The following QSER1 variants were observed in gnomAD, a reference collection of about 807,000 sequenced individuals.
The protein encoded by QSER1 is glutamine and serine rich 1.
In QSER1, 49 loss-of-function variants were observed where a neutral mutation model predicts 158.5. That is an observed-to-expected ratio of 0.31 (90% CI 0.25 to 0.39). The LOEUF (loss-of-function observed/expected upper bound fraction) is 0.39. Ranked by LOEUF, QSER1 falls within the 10% of genes least tolerant of loss-of-function variation. The pLI, the probability that QSER1 is intolerant of heterozygous loss-of-function variation, is 1.00. For missense variants in QSER1, 1,754 were observed against 2,010.3 expected (o/e 0.87, Z 2.44); for synonymous variants, 650 against 715.5 (o/e 0.91, Z 1.46).
At chr11:32,896,357 T>C (rs1851555358) in intron 1 of QSER1, among the ~76,000 whole-genome samples, 1 of 152,148 alleles carries the variant, frequency 6.6e-6, no homozygotes, top group African/African-American at 2.4e-5. Context: ...TTTATTTTAT[T>C]TTATTTTATT....
intron 4 of QSER1, among the ~76,000 whole-genome samples, chr11:32,938,895 C>T (rs1478626186): frequency 2.0e-5 from 3 of 151,782 alleles, no homozygotes; most frequent in Non-Finnish European, 4.4e-5. Flanking sequence ...CTCTTTTAGG[C>T]AAGATGGTAC....
In QSER1 at chr11:32,931,948, A is replaced by C; in HGVS notation, c.690A>C (p.Gln230His). ...TAAGTCATCATGACCCTTTGCTACA[A>C]ATCAAGACTTCCCAGGGAACTGTTC... ...GILSHHDPLL[Q>H]IKTSQGTVPT... is the part of the protein sequence containing the mutation. Residue 230 changes from glutamine (Q) to histidine (H), a missense_variant, in exon 4 of 13, where the codon CAA becomes CAC. Around this residue, in one of 2 missense-constraint regions of QSER1, gnomAD observed 1,707 missense variants for 1,919.6 expected, o/e 0.89. Coordinates refer to ENST00000650167, the MANE Select transcript of QSER1 (RefSeq NM_001076786.3). 1 of 1,614,190 alleles carries C rather than the reference A, an allele frequency of 6.2e-7. No homozygotes were observed. Among genetic ancestry groups the C allele is most frequent in the South Asian group, 1.1e-5 (1 of 91,078 alleles).
chr11:32,928,821 A>G (rs1852008900), intron 3 of QSER1, among the ~76,000 whole-genome samples: 1 of 152,152 alleles, frequency 6.6e-6, no homozygotes, highest in Non-Finnish European at 1.5e-5. Context: ...CACTAATAGA[A>G]GTTTCTCAGT....
At chr11:32,971,066 G>A (rs928482978) in intron 10 of QSER1, among the ~76,000 whole-genome samples, 7 of 149,444 alleles carry the variant, frequency 4.7e-5, no homozygotes, top group Non-Finnish European at 7.4e-5. Flanking sequence ...CTCTGGAGTG[G>A]CTGGGATGGC....
At chr11:32,957,274 T>C (rs1359503153) in intron 7 of QSER1, among the ~76,000 whole-genome samples, 1 of 151,818 alleles carries the variant, frequency 6.6e-6, no homozygotes, top group East Asian at 1.9e-4. Context: ...CCCGAGTAGC[T>C]GGGACTACAG....
intron 4 of QSER1, among the ~76,000 whole-genome samples, chr11:32,949,171 C>T (rs1020291378): frequency 6.6e-6 from 1 of 152,066 alleles, no homozygotes; most frequent in African/African-American, 2.4e-5. Flanking sequence ...CTCATAGCTT[C>T]TCCTTGGGAT....
chr11:32,971,693 ATTGT>A lies in QSER1; in HGVS notation c.5206-1701_5206-1698del, dbSNP rs529076199. 1.3e-4 allele frequency among the ~76,000 whole-genome samples: 20 copies of A among 152,296 alleles called. No individual in the cohort carries two copies. The South Asian group carries it at 3.3e-3, about 25-fold the overall frequency. ...TGTGGTAGAAAATGCCAAAAGTGTT[ATTGT>A]TTCTATCAAATGAAATTTAGTGCCC... is the stretch of plus-strand genomic sequence containing the variant. On this transcript the variant is annotated intron_variant, in intron 10 of 12. Transcript: ENST00000650167.
chr11:32,974,517 A>C (rs1852936205), intron 11 of QSER1, among the ~76,000 whole-genome samples: 1 of 152,192 alleles, frequency 6.6e-6, no homozygotes, highest in Non-Finnish European at 1.5e-5. Flanking sequence ...TGTAAGAGCA[A>C]TCCAATTATG....
chr11:32,900,180 G>A (rs1851606731), intron 1 of QSER1, among the ~76,000 whole-genome samples: 1 of 152,134 alleles, frequency 6.6e-6, no homozygotes, highest in Non-Finnish European at 1.5e-5. Flanking sequence ...AATTTATTAA[G>A]TATGCAACAG....
At chr11:32,964,368 C>T (rs1477958190) in intron 8 of QSER1, among the ~76,000 whole-genome samples, 1 of 152,124 alleles carries the variant, frequency 6.6e-6, no homozygotes, top group Non-Finnish European at 1.5e-5. Context: ...ACTGTTAGTA[C>T]AGTTTGTTGT....
At chr11:32,955,513 T>C (rs1852496402) in intron 6 of QSER1, 101 bp downstream of exon 6, 1 of 576,494 alleles carries the variant, frequency 1.7e-6, no homozygotes, top group Non-Finnish European at 3.0e-6. Flanking sequence ...ATTTTTGATA[T>C]AAAGTAGCAT....
At chr11:32,923,073 C>A (rs1385943215) in intron 1 of QSER1, among the ~76,000 whole-genome samples, 1 of 152,118 alleles carries the variant, frequency 6.6e-6, no homozygotes, top group Non-Finnish European at 1.5e-5. Context: ...AAAAAACAAA[C>A]CAACCTGTGG....
intron 8 of QSER1, among the ~76,000 whole-genome samples, chr11:32,960,600 G>C (rs1279881552): frequency 1.3e-5 from 2 of 152,058 alleles, no homozygotes; most frequent in African/African-American, 4.8e-5. Context: ...GAATAGGTAA[G>C]GAAATTCAGT....
In QSER1 at chr11:32,933,449, G is replaced by C; in HGVS notation, c.2191G>C (p.Ala731Pro). ...AGAATCAACTTATAAGGTGTCAAAG[G>C]CAGATGACAGATATTCTCAGAGTGT... ...AQESTYKVSKADDRYSQSVIR... is the reference protein window; with the variant it reads ...AQESTYKVSKPDDRYSQSVIR... Residue 731 changes from alanine (A) to proline (P), a missense_variant, in exon 4 of 13, where the codon GCA becomes CCA. Ala to Pro is a conservative substitution (Grantham distance 27). Transcript: ENST00000650167. 6.2e-7 allele frequency: 1 copy of C among 1,613,224 alleles called. No homozygotes were observed. Among genetic ancestry groups the C allele is most frequent in the South Asian group, 1.1e-5 (1 of 90,842 alleles).
At chr11:32,917,908 GTAAT>G (rs2133520663) in intron 1 of QSER1, among the ~76,000 whole-genome samples, 1 of 151,238 alleles carries the variant, frequency 6.6e-6, no homozygotes, top group South Asian at 2.1e-4. Context: ...TTGTGCTTCA[GTAAT>G]TAATATCATT....
chr11:32,973,587 C>T (rs1253263290), intron 11 of QSER1, 38 bp downstream of exon 11: 9 of 1,532,598 alleles, frequency 5.9e-6, no homozygotes, highest in Non-Finnish European at 8.0e-6. Flanking sequence ...TATACCTTTT[C>T]CAATTGTTAA....
At chr11:32,920,555 A>G (rs1306835149) in intron 1 of QSER1, among the ~76,000 whole-genome samples, 3 of 152,258 alleles carry the variant, frequency 2.0e-5, no homozygotes. Flanking sequence ...TGTGCTGTAC[A>G]TGATACCATC....
intron 4 of QSER1, among the ~76,000 whole-genome samples, chr11:32,936,699 T>C (rs1852157818): frequency 6.6e-6 from 1 of 152,004 alleles, no homozygotes; most frequent in South Asian, 2.1e-4. Flanking sequence ...TGAACCCAGG[T>C]TTTTCTGGTT....
chr11:32,909,685 AC>A (rs1415499245), intron 1 of QSER1, among the ~76,000 whole-genome samples: 1 of 151,988 alleles, frequency 6.6e-6, no homozygotes, highest in Non-Finnish European at 1.5e-5. Context: ...CAGGTGATCC[AC>A]CCACCTTGGC....
Sources: gnomAD v4.1 joint callset for allele counts (sites outside exome capture counted in the v4.1 genomes callset) on GRCh38, gnomAD v4.1.1 for gene constraint, gnomAD v4.1.1 regional missense constraint, MANE v1.5 for transcripts, NCBI Gene and HGNC (gene_info 2026-07-23, HGNC 2026-07-21) for gene names.